ABTB3: variants seen among roughly 807,000 people sequenced by gnomAD.
The protein encoded by ABTB3 is ankyrin repeat- and BTB/POZ domain-containing protein 3.
the ABTB3 span, among the ~76,000 whole-genome samples, chr12:107,362,070 T>G: frequency 6.6e-6 from 1 of 152,278 alleles, no homozygotes; most frequent in East Asian, 1.9e-4. Flanking sequence ...TCCAGAACTG[T>G]GAAAAAGAAA....
At chr12:107,393,845 G>A in the ABTB3 span, among the ~76,000 whole-genome samples, 2 of 152,176 alleles carry the variant, frequency 1.3e-5, no homozygotes, top group Admixed American at 1.3e-4. Flanking sequence ...CAGGAGAATG[G>A]TGTGAACCTG....
At chr12:107,536,245 T>C in the ABTB3 span, among the ~76,000 whole-genome samples, 1 of 152,066 alleles carries the variant, frequency 6.6e-6, no homozygotes, top group African/African-American at 2.4e-5. Flanking sequence ...CAACTCAAAA[T>C]GGATTAAAGA....
the ABTB3 span, among the ~76,000 whole-genome samples, chr12:107,557,198 G>A: frequency 2.0e-5 from 3 of 152,156 alleles, no homozygotes; most frequent in African/African-American, 4.8e-5. Flanking sequence ...GTGTACTTAC[G>A]TAAACCCAGC....
the ABTB3 span, among the ~76,000 whole-genome samples, chr12:107,485,765 T>A: frequency 2.0e-5 from 3 of 152,192 alleles, no homozygotes; most frequent in African/African-American, 7.2e-5. Context: ...TGCAACAAAC[T>A]GTAGTTGAAA....
the ABTB3 span, among the ~76,000 whole-genome samples, chr12:107,573,962 T>C: frequency 2.0e-5 from 3 of 152,236 alleles, no homozygotes; most frequent in African/African-American, 4.8e-5. Flanking sequence ...AGTAGATACA[T>C]AAAATTAACA....
the ABTB3 span, among the ~76,000 whole-genome samples, chr12:107,386,068 G>T: frequency 6.6e-6 from 1 of 152,150 alleles, no homozygotes; most frequent in Admixed American, 6.5e-5. Flanking sequence ...GGCCTTACTA[G>T]ACTTACCTTA....
the ABTB3 span, chr12:107,319,046 T>A: frequency 6.2e-7 from 1 of 1,613,700 alleles, no homozygotes. Flanking sequence ...CAACTTGTCT[T>A]TGTGCTGTTC....
chr12:107,520,547 C>A, the ABTB3 span: 1 of 1,614,184 alleles, frequency 6.2e-7, no homozygotes, highest in Non-Finnish European at 8.5e-7. Flanking sequence ...TCAAACAAGC[C>A]AGGGGAACTG....
the ABTB3 span, among the ~76,000 whole-genome samples, chr12:107,484,687 G>A: frequency 3.8e-3 from 583 of 151,906 alleles, 5 homozygotes; most frequent in African/African-American, 0.013. Flanking sequence ...CAGGGAAACC[G>A]CTCAAGACTG....
At chr12:107,325,993 C>T in the ABTB3 span, among the ~76,000 whole-genome samples, 1 of 152,210 alleles carries the variant, frequency 6.6e-6, no homozygotes, top group Admixed American at 6.5e-5. Flanking sequence ...GCAACCTCCA[C>T]CTCCCAGGTT....
the ABTB3 span, among the ~76,000 whole-genome samples, chr12:107,643,427 G>A: frequency 1.6e-5 from 2 of 126,636 alleles, no homozygotes; most frequent in Admixed American, 8.3e-5. Context: ...AAAAAAAAAA[G>A]GTTTCCAAAG....
chr12:107,437,855 AG>A, the ABTB3 span, among the ~76,000 whole-genome samples: 1 of 152,134 alleles, frequency 6.6e-6, no homozygotes, highest in Admixed American at 6.5e-5. Context: ...TCTGGGGATT[AG>A]GATGTGGACA....
the ABTB3 span, chr12:107,640,277 C>T: frequency 7.8e-7 from 1 of 1,287,792 alleles, no homozygotes; most frequent in East Asian, 2.3e-5. Flanking sequence ...CTTTTTTCCA[C>T]TAAAGCTACC....
At chr12:107,444,906 C>A in the ABTB3 span, among the ~76,000 whole-genome samples, 12 of 152,052 alleles carry the variant, frequency 7.9e-5, no homozygotes, top group African/African-American at 2.9e-4. Flanking sequence ...GTAGGGGGAC[C>A]ACAGAGTGCT....
At chr12:107,610,462 C>A in the ABTB3 span, 1 of 1,283,844 alleles carries the variant, frequency 7.8e-7, no homozygotes, top group Non-Finnish European at 1.1e-6. Flanking sequence ...TGGGCAGAGG[C>A]TCCCCCTACT....
the ABTB3 span, among the ~76,000 whole-genome samples, chr12:107,648,241 C>T: frequency 2.0e-5 from 3 of 151,978 alleles, no homozygotes; most frequent in Non-Finnish European, 4.4e-5. Flanking sequence ...ACTAGCCGGG[C>T]GTGGCAGCGT....
At chr12:107,383,793 T>G in the ABTB3 span, among the ~76,000 whole-genome samples, 2 of 152,222 alleles carry the variant, frequency 1.3e-5, no homozygotes, top group Non-Finnish European at 2.9e-5. Flanking sequence ...TGTGGTTGGC[T>G]GATTTATGGA....
the ABTB3 span, among the ~76,000 whole-genome samples, chr12:107,622,336 G>A: frequency 6.6e-6 from 1 of 152,114 alleles, no homozygotes; most frequent in Non-Finnish European, 1.5e-5. Flanking sequence ...AAGAAAAACT[G>A]GAGGGAGATG....
the ABTB3 span, among the ~76,000 whole-genome samples, chr12:107,597,907 C>T: frequency 6.6e-6 from 1 of 152,188 alleles, no homozygotes; most frequent in Non-Finnish European, 1.5e-5. Flanking sequence ...TTTATTGGAA[C>T]ACAGCCACAC....
Sources: gnomAD v4.1 joint callset for allele counts (sites outside exome capture counted in the v4.1 genomes callset) on GRCh38, gnomAD v4.1.1 for gene constraint, MANE v1.5 for transcripts, NCBI Gene and HGNC (gene_info 2026-07-23, HGNC 2026-07-21) for gene names.